Variants in HACE1 observed in about 807,000 individuals in gnomAD.
The protein encoded by HACE1 is E3 ubiquitin-protein ligase HACE1.
HACE1 carries 73 observed loss-of-function variants against 118.4 expected under a neutral mutation model. The ratio of observed to expected loss-of-function variants is 0.62; its 90% CI spans 0.51 to 0.75. HACE1 has a LOEUF of 0.75. HACE1 is among the 30% of genes least tolerant of loss of function. The probability of loss-of-function intolerance (pLI) is 0.00; values close to 1 mark genes in which losing one functional copy is unlikely to be tolerated. For missense variants in HACE1, 749 were observed against 1,102.2 expected, an observed-to-expected ratio of 0.68 and a Z score of 4.54; for synonymous variants, 368 against 374.8, an observed-to-expected ratio of 0.98 and a Z score of 0.21.
At chr6:104,803,449 G>A (rs1462110224) in intron 7 of HACE1, among the ~76,000 whole-genome samples, 2 of 152,126 alleles carry the variant, frequency 1.3e-5, no homozygotes, top group Non-Finnish European at 2.9e-5. Flanking sequence ...GATGAACATT[G>A]ATGCAAAAAT....
chr6:104,808,383 A>T (rs1038975345), intron 7 of HACE1, among the ~76,000 whole-genome samples: 1 of 152,146 alleles, frequency 6.6e-6, no homozygotes, highest in African/African-American at 2.4e-5. Flanking sequence ...CATCACATTT[A>T]ATCTTCACAA....
chr6:104,740,461 A>G (rs1234822152), intron 22 of HACE1, among the ~76,000 whole-genome samples: 1 of 152,360 alleles, frequency 6.6e-6, no homozygotes. Context: ...GATGCACTAA[A>G]AAATGATAAA....
intron 19 of HACE1, among the ~76,000 whole-genome samples, chr6:104,757,140 A>T (rs907012195): frequency 3.3e-5 from 5 of 152,206 alleles, no homozygotes; most frequent in Non-Finnish European, 1.5e-5. Context: ...GGCAGGACGT[A>T]CCTGAACAAA....
At chr6:104,742,894 A>G (rs1776931143) in intron 22 of HACE1, among the ~76,000 whole-genome samples, 2 of 152,040 alleles carry the variant, frequency 1.3e-5, no homozygotes, top group Admixed American at 6.5e-5. Flanking sequence ...TCACAATAGC[A>G]AAGACTTGGA....
chr6:104,786,051 C>G (rs1782355619), intron 11 of HACE1: 1 of 152,038 alleles, frequency 6.6e-6, no homozygotes, highest in Non-Finnish European at 1.5e-5. Context: ...TACTGACTAG[C>G]AGGCCGGAGA....
Position 104,777,822 on chromosome 6 carries a change from C to T in HACE1, c.1567-505G>A, listed in dbSNP as rs1426414760. Among the ~76,000 whole-genome samples the T allele has an allele frequency of 2.6e-5, 4 of 152,280 alleles. No homozygotes were observed. In the East Asian group the frequency reaches 5.8e-4, roughly 22 times the overall value. On this transcript the variant is annotated intron_variant, in intron 14 of 23. Transcript: ENST00000262903. ...TTGTCCAGGCTGGAGTGCAGTGGCA[C>T]GATCTCTGCTCACTGCAACCTCTGC...
intron 17 of HACE1, 48 bp downstream of exon 17, chr6:104,776,692 GA>G: frequency 1.9e-6 from 2 of 1,077,746 alleles, no homozygotes; most frequent in Non-Finnish European, 2.9e-6. Context: ...GAAATAGTGT[GA>G]AAAATGTGAC....
chr6:104,859,292 C>CTA, intron 1 of HACE1: 1 of 436,024 alleles, frequency 2.3e-6, no homozygotes, highest in South Asian at 3.0e-5. Context: ...GCCAAGACCC[C>CTA]TAATCGACAG....
rs965081417 is a variant in HACE1, at chr6:104,737,098, C to T, written c.2514-6682G>A. On this transcript the variant is annotated intron_variant, in intron 22 of 23. Coordinates refer to ENST00000262903, the MANE Select transcript of HACE1 (RefSeq NM_020771.4). ...CAGGAGTTCAAGACCAGCTTGGCCA[C>T]GATGGTGAAACCTCATCTCTACTAA... Among the ~76,000 whole-genome samples, 4 of 148,486 alleles carry T rather than the reference C, an allele frequency of 2.7e-5. No homozygotes were observed. The East Asian group carries it at 5.9e-4, about 22-fold the overall frequency.
At chr6:104,780,296 A>G in intron 14 of HACE1, 1 of 430,186 alleles carries the variant, frequency 2.3e-6, no homozygotes, top group African/African-American at 2.0e-5. Context: ...ACACACACAC[A>G]TACAAACACC....
intron 19 of HACE1, among the ~76,000 whole-genome samples, chr6:104,770,712 T>C (rs1264910635): frequency 6.6e-6 from 1 of 152,088 alleles, no homozygotes; most frequent in Non-Finnish European, 1.5e-5. Context: ...GAGTGAGACT[T>C]CGTCTCAATA....
At chr6:104,759,225 C>T (rs1352723508) in intron 19 of HACE1, among the ~76,000 whole-genome samples, 2 of 152,260 alleles carry the variant, frequency 1.3e-5, no homozygotes, top group East Asian at 3.9e-4. Flanking sequence ...GAACTCTCCA[C>T]CCCAAATCAA....
intron 11 of HACE1, among the ~76,000 whole-genome samples, chr6:104,787,595 T>G (rs893239572): frequency 6.6e-6 from 1 of 152,088 alleles, no homozygotes; most frequent in Non-Finnish European, 1.5e-5. Flanking sequence ...AAAAGAATAA[T>G]TGGCCTCTAA....
At chr6:104,857,475 G>C (rs975171092) in intron 1 of HACE1, among the ~76,000 whole-genome samples, 15 of 151,816 alleles carry the variant, frequency 9.9e-5, no homozygotes, top group Non-Finnish European at 1.8e-4. Context: ...TTGAGCCTTA[G>C]AAATGTATTG....
intron 6 of HACE1, among the ~76,000 whole-genome samples, chr6:104,829,304 A>G (rs1469363581): frequency 6.6e-6 from 1 of 152,244 alleles, no homozygotes; most frequent in East Asian, 1.9e-4. Context: ...ATCCTATAAC[A>G]TCATATTTCA....
intron 11 of HACE1, among the ~76,000 whole-genome samples, chr6:104,789,381 T>G (rs1011027554): frequency 1.2e-4 from 18 of 152,092 alleles, no homozygotes; most frequent in African/African-American, 4.3e-4. Flanking sequence ...TAGTTGTCAA[T>G]GCTGTAGAAA....
intron 14 of HACE1, among the ~76,000 whole-genome samples, chr6:104,781,352 T>C (rs1781725447): frequency 6.6e-6 from 1 of 152,150 alleles, no homozygotes. Flanking sequence ...CCTTACTTTC[T>C]TACACAATAA....
chr6:104,794,142 T>A (rs1317808131), intron 10 of HACE1, among the ~76,000 whole-genome samples: 1 of 152,322 alleles, frequency 6.6e-6, no homozygotes, highest in African/African-American at 2.4e-5. Flanking sequence ...TTTTTACATG[T>A]AAAATGGAGA....
At chr6:104,797,145 T>C (rs1769744704) in intron 7 of HACE1, 120 bp from the exon 8 acceptor site, 1 of 683,620 alleles carries the variant, frequency 1.5e-6, no homozygotes, top group African/African-American at 1.9e-5. Context: ...GACAAGAGAA[T>C]ATGAAATACA....
Sources: gnomAD v4.1 joint callset for allele counts (sites outside exome capture counted in the v4.1 genomes callset) on GRCh38, gnomAD v4.1.1 for gene constraint, MANE v1.5 for transcripts, NCBI Gene and HGNC (gene_info 2026-07-23, HGNC 2026-07-21) for gene names.